Variants in MYO16 observed in about 807,000 individuals in gnomAD.
MYO16 encodes the protein unconventional myosin-XVI.
Under a neutral mutation model 205.3 loss-of-function variants are expected in MYO16, and 94 were observed. The observed-to-expected ratio is 0.46, with a 90% CI of 0.39 to 0.54. The LOEUF is 0.54. Among genes scored for constraint, MYO16 ranks in the 20% least tolerant of loss-of-function variants. The pLI is 0.00. For missense variants in MYO16, 2,315 were observed against 2,387.5 expected, an observed-to-expected ratio of 0.97 and a Z score of 0.63; for synonymous variants, 988 against 954.0, an observed-to-expected ratio of 1.04 and a Z score of -0.66.
At chr13:108,851,594 A>G (rs1475576300) in intron 10 of MYO16, among the ~76,000 whole-genome samples, 3 of 152,186 alleles carry the variant, frequency 2.0e-5, no homozygotes, top group Non-Finnish European at 4.4e-5. Flanking sequence ...AAAACCTTCA[A>G]TCTTGTCTAA....
At chr13:108,909,344 G>A (rs995911105) in intron 15 of MYO16, among the ~76,000 whole-genome samples, 16 of 134,024 alleles carry the variant, frequency 1.2e-4, no homozygotes, top group African/African-American at 3.1e-4. Flanking sequence ...TCCTATTACC[G>A]CACATGTGTG....
chr13:109,177,534 G>A (rs1879259755), intron 33 of MYO16, among the ~76,000 whole-genome samples: 1 of 151,740 alleles, frequency 6.6e-6, no homozygotes. Context: ...ATTTATTTAT[G>A]TTGAGATGGA....
At chr13:108,706,291 G>T (rs1057174983) in intron 2 of MYO16, among the ~76,000 whole-genome samples, 15 of 152,232 alleles carry the variant, frequency 9.9e-5, no homozygotes, top group Admixed American at 9.2e-4. Context: ...TCATATTGTG[G>T]CAGGGCAGTA....
At chr13:108,561,437 T>G in the MYO16 span, among the ~76,000 whole-genome samples, 1 of 152,236 alleles carries the variant, frequency 6.6e-6, no homozygotes, top group Non-Finnish European at 1.5e-5. Flanking sequence ...AATGGAACTC[T>G]CTAAACTGAA....
chr13:108,590,063 T>A, the MYO16 span, among the ~76,000 whole-genome samples: 8 of 152,192 alleles, frequency 5.3e-5, no homozygotes, highest in African/African-American at 1.7e-4. Flanking sequence ...ACTGCTTTTT[T>A]AAAAAATCAA....
the MYO16 span, among the ~76,000 whole-genome samples, chr13:108,571,949 C>A: frequency 6.7e-6 from 1 of 149,312 alleles, no homozygotes; most frequent in Non-Finnish European, 1.5e-5. Context: ...TAAACAGGGT[C>A]TTACTCTATT....
chr13:108,496,971 G>C, the MYO16 span, among the ~76,000 whole-genome samples: 2 of 152,340 alleles, frequency 1.3e-5, no homozygotes, highest in East Asian at 3.9e-4. Flanking sequence ...CTTTCTCTGC[G>C]AATCTCATGC....
intron 1 of MYO16, among the ~76,000 whole-genome samples, chr13:108,651,031 A>G (rs780907342): frequency 9.9e-5 from 15 of 152,130 alleles, no homozygotes; most frequent in Non-Finnish European, 2.1e-4. Flanking sequence ...CACAGAGAGG[A>G]AAAGGAATCT....
chr13:108,922,202 G>A (rs1015829503), intron 16 of MYO16, among the ~76,000 whole-genome samples: 2 of 152,088 alleles, frequency 1.3e-5, no homozygotes, highest in African/African-American at 4.8e-5. Flanking sequence ...ACCTAATGAT[G>A]AAAATCAACC....
intron 9 of MYO16, among the ~76,000 whole-genome samples, chr13:108,827,155 C>T (rs1876317507): frequency 6.6e-6 from 1 of 152,122 alleles, no homozygotes; most frequent in East Asian, 1.9e-4. Flanking sequence ...ATGACTTCAC[C>T]ATGTATTCCG....
chr13:109,091,417 G>T (rs1888618954), intron 27 of MYO16, among the ~76,000 whole-genome samples: 1 of 152,140 alleles, frequency 6.6e-6, no homozygotes, highest in East Asian at 1.9e-4. Context: ...AGCACTCATT[G>T]ATTCTATTTC....
At position 109,141,773 on chromosome 13, in the gene MYO16, TAC is replaced by T. The variant is rs1363600510; in HGVS notation, c.5164+399_5164+400del. Among the ~76,000 whole-genome samples, 1 of 152,234 alleles carries T rather than the reference TAC, an allele frequency of 6.6e-6. No homozygotes were observed. The highest frequency in any genetic ancestry group is 1.9e-4 in the East Asian group (1 of 5,198). ...TTCTATCGCCGATTTCCGTTTGATG[TAC>T]AGTTCACAGCTAATCCCCGAGCGTG... On this transcript the variant is annotated intron_variant, in intron 32 of 34. Transcript: ENST00000457511. The surrounding 1 kb of genome is among the most constrained non-coding windows in gnomAD (Gnocchi z 4.1).
chr13:108,783,398 T>G (rs939705949), intron 4 of MYO16, among the ~76,000 whole-genome samples: 3 of 152,242 alleles, frequency 2.0e-5, no homozygotes, highest in Non-Finnish European at 4.4e-5. Context: ...GCATTATATC[T>G]AAGAAGTAAG....
intron 1 of MYO16, among the ~76,000 whole-genome samples, chr13:108,641,612 C>T (rs556443425): frequency 3.9e-5 from 6 of 152,234 alleles, no homozygotes; most frequent in African/African-American, 1.4e-4. Flanking sequence ...AAATTATTTC[C>T]TACATGTCTA....
intron 4 of MYO16, among the ~76,000 whole-genome samples, chr13:108,759,819 CA>C (rs34991762): frequency 0.4 from 49,354 of 123,640 alleles, 8,096 homozygotes; most frequent in Middle Eastern, 0.53. Context: ...GACTCCGTCT[CA>C]AAAAAAAAAA....
At chr13:108,785,869 G>T in intron 5 of MYO16, 126 bp downstream of exon 5, 1 of 621,414 alleles carries the variant, frequency 1.6e-6, no homozygotes, top group Non-Finnish European at 2.8e-6. Context: ...TGTAGAAGAT[G>T]GTATTTTTTC....
chr13:108,824,040 G>A (rs1876127067), intron 9 of MYO16, among the ~76,000 whole-genome samples: 1 of 152,078 alleles, frequency 6.6e-6, no homozygotes. Context: ...GAGATGGACT[G>A]TGAATATCTA....
At position 109,067,955 on chromosome 13, in the gene MYO16, G is replaced by A. The variant is rs191200865; in HGVS notation, c.3335+12360G>A. Among the ~76,000 whole-genome samples, 38 of 152,140 alleles carry A rather than the reference G, an allele frequency of 2.5e-4. No homozygotes were observed. The East Asian group carries it at 4.1e-3, about 16-fold the overall frequency. The stretch of plus-strand genomic sequence containing the variant: ...TTTAATAACTTCCTAACAACCTAAC[G>A]ACCTCTGAAACAAATACGCAAAGCT... On this transcript the variant is annotated intron_variant, in intron 27 of 34. Coordinates refer to ENST00000457511, the MANE Select transcript of MYO16 (RefSeq NM_001198950.3).
intron 24 of MYO16, among the ~76,000 whole-genome samples, chr13:109,050,578 C>T (rs1344870269): frequency 1.3e-5 from 2 of 152,092 alleles, no homozygotes; most frequent in African/African-American, 4.8e-5. Context: ...AACTTTTACC[C>T]ATTAGTTTTA....
Sources: gnomAD v4.1 joint callset for allele counts (sites outside exome capture counted in the v4.1 genomes callset) on GRCh38, gnomAD v4.1.1 for gene constraint, Gnocchi (gnomAD v3.1) non-coding constraint, MANE v1.5 for transcripts, NCBI Gene and HGNC (gene_info 2026-07-23, HGNC 2026-07-21) for gene names.